Variants in RP1 observed in about 807,000 individuals in gnomAD.
The protein encoded by RP1 is RP1 axonemal microtubule associated.
A neutral mutation model predicts 14.8 loss-of-function variants in RP1; 16 were observed. The observed-to-expected ratio is 1.08, with a 90% CI of 0.73 to 1.65. The LOEUF is 1.65. RP1 is among the 40% of genes most tolerant of loss of function. The pLI is 0.00. For synonymous variants in RP1, 876 were observed against 883.6 expected (o/e 0.99, Z 0.15); for missense variants, 2,631 against 2,535.0 (o/e 1.04, Z -0.81).
At chr8:54,622,371 T>TG (rs1805905705) in intron 3 of RP1, 83 bp downstream of exon 3, 2 of 1,171,110 alleles carry the variant, frequency 1.7e-6, no homozygotes, top group African/African-American at 1.5e-5. Context: ...CATGCTTCAA[T>TG]GACCAGTTTC....
chr8:54,679,610 C>T, exon 11 of RP1: 1 of 1,535,910 alleles, frequency 6.5e-7, no homozygotes, highest in Non-Finnish European at 8.7e-7. Context: ...GAAATTGGAA[C>T]TTAAGAGAAA....
At chr8:54,679,530 T>C (rs193248904) in intron 10 of RP1, 733 of 1,535,670 alleles carry the variant, frequency 4.8e-4, no homozygotes, top group Non-Finnish European at 5.8e-4. Context: ...CCTGGAAAAC[T>C]CTTTTATGAT....
intron 24 of RP1, among the ~76,000 whole-genome samples, chr8:54,828,318 C>T (rs1003848434): frequency 1.1e-4 from 17 of 152,156 alleles, no homozygotes; most frequent in Admixed American, 5.9e-4. Flanking sequence ...GGAGATGGGG[C>T]CTGTGAGAGG....
intron 24 of RP1, among the ~76,000 whole-genome samples, chr8:54,813,631 T>A (rs532338113): frequency 6.6e-6 from 1 of 152,356 alleles, no homozygotes; most frequent in Admixed American, 6.5e-5. Context: ...GGAAATATTC[T>A]ATAAATATTT....
Position 54,628,416 on chromosome 8 carries a change from A to G in RP1, c.4534A>G (p.Lys1512Glu), listed in dbSNP as rs781147109. 6.2e-7 allele frequency: 1 copy of G among 1,613,576 alleles called. No homozygotes were observed. Among genetic ancestry groups the G allele is most frequent in the South Asian group, 1.1e-5 (1 of 91,048 alleles). ...KTLELIDISS[K>E]NIMEEKRMNG... Reference sequence around the variant, plus strand: ...TTTAGAATTGATAGACATCTCTAGTAAGAATATTATGGAAGAAAAAAGAAT... The same window carrying G: ...TTTAGAATTGATAGACATCTCTAGTGAGAATATTATGGAAGAAAAAAGAAT... Residue 1512 changes from lysine to glutamate, a missense_variant, in exon 4 of 4, where the codon AAG becomes GAG. Transcript: ENST00000220676.
chr8:54,684,100 G>C (rs1937073753), intron 12 of RP1, among the ~76,000 whole-genome samples: 1 of 146,564 alleles, frequency 6.8e-6, no homozygotes, highest in South Asian at 2.3e-4. Context: ...TTCTGTTTAT[G>C]TGATGAATTA....
chr8:54,732,075 C>T (rs2129354974), intron 17 of RP1, among the ~76,000 whole-genome samples: 1 of 152,308 alleles, frequency 6.6e-6, no homozygotes, highest in East Asian at 1.9e-4. Flanking sequence ...TGTCTCTCCT[C>T]TTCACACATA....
chr8:54,620,920 C>T, intron 1 of RP1, 35 bp from the exon 2 acceptor site: 1 of 1,596,854 alleles, frequency 6.3e-7, no homozygotes, highest in Non-Finnish European at 8.6e-7. Flanking sequence ...CGCTATGGTG[C>T]TGTGATTCTG....
At chr8:54,739,167 C>A in intron 19 of RP1, 1 of 472,958 alleles carries the variant, frequency 2.1e-6, no homozygotes, top group Non-Finnish European at 3.7e-6. Flanking sequence ...CCTCTGTAAA[C>A]TCATGGTAAA....
In RP1 at chr8:54,629,958, C is replaced by T; in HGVS notation, c.6076C>T (p.Pro2026Ser). ...AGAAGGTAATTTAAAGAAATTTCAA[C>T]CAGATTTGAAGGAAAGGTTTTGTAT... ...EEEGNLKKFQ[P>S]DLKERFCMNF... The change falls in exon 4 of 4, where the codon CCA becomes TCA. Residue 2026 changes from proline to serine, a missense_variant. Physicochemically the swap from Pro to Ser is moderately conservative, Grantham distance 74 (BLOSUM62 -1). Transcript: ENST00000220676. 2 of 1,613,928 alleles carry T rather than the reference C, an allele frequency of 1.2e-6. No homozygotes were observed. The highest frequency in any genetic ancestry group is 1.3e-5 in the African/African-American group (1 of 75,010).
At chr8:54,740,435 A>G (rs1349010093) in intron 19 of RP1, among the ~76,000 whole-genome samples, 2 of 149,302 alleles carry the variant, frequency 1.3e-5, no homozygotes, top group African/African-American at 4.9e-5. Context: ...AAAAAAATTA[A>G]GTAGAGAGCC....
At chr8:54,608,164 T>C (rs1805506485) in intron 1 of RP1, among the ~76,000 whole-genome samples, 1 of 151,266 alleles carries the variant, frequency 6.6e-6, no homozygotes, top group South Asian at 2.1e-4. Context: ...CTGGAGCTGT[T>C]CCTATTTTGG....
At chr8:54,680,789 T>C (rs1263013598) in intron 12 of RP1, among the ~76,000 whole-genome samples, 1 of 151,894 alleles carries the variant, frequency 6.6e-6, no homozygotes. Context: ...AAACCCCGTC[T>C]CTACTAAAAA....
chr8:54,576,072 A>AC (rs1804634337), intron 1 of RP1, among the ~76,000 whole-genome samples: 1 of 142,012 alleles, frequency 7.0e-6, no homozygotes, highest in African/African-American at 2.6e-5. Flanking sequence ...ACGGAGTCTC[A>AC]CTCTGTCACC....
At chr8:54,857,526 A>C (rs1320027635) in intron 27 of RP1, among the ~76,000 whole-genome samples, 1 of 151,770 alleles carries the variant, frequency 6.6e-6, no homozygotes. Flanking sequence ...TACATTAAAT[A>C]TATTTAATGT....
chr8:54,793,970 G>C (rs868318330), intron 24 of RP1, among the ~76,000 whole-genome samples: 12 of 151,808 alleles, frequency 7.9e-5, no homozygotes, highest in Admixed American at 4.6e-4. Context: ...CAGTAAAGTT[G>C]CAAGCTACAA....
At chr8:54,644,061 A>C (rs1806499591) in intron 3 of RP1, among the ~76,000 whole-genome samples, 1 of 152,112 alleles carries the variant, frequency 6.6e-6, no homozygotes, top group Non-Finnish European at 1.5e-5. Flanking sequence ...TTTGGGTGAG[A>C]CTCTGGGTAT....
intron 16 of RP1, among the ~76,000 whole-genome samples, chr8:54,725,196 G>A (rs765165419): frequency 6.6e-6 from 1 of 152,050 alleles, no homozygotes; most frequent in Non-Finnish European, 1.5e-5. Context: ...ATTGGTAAAT[G>A]AACTCTTAGT....
At chr8:54,668,759 A>G (rs1053170392) in intron 7 of RP1, among the ~76,000 whole-genome samples, 5 of 152,216 alleles carry the variant, frequency 3.3e-5, no homozygotes, top group East Asian at 1.9e-4. Flanking sequence ...AAACCTGACA[A>G]AAACAAGAAA....
Sources: gnomAD v4.1 joint callset for allele counts (sites outside exome capture counted in the v4.1 genomes callset) on GRCh38, gnomAD v4.1.1 for gene constraint, MANE v1.5 for transcripts, NCBI Gene and HGNC (gene_info 2026-07-23, HGNC 2026-07-21) for gene names.